The following YAF2 variants were observed in gnomAD, a reference collection of about 807,000 sequenced individuals.
The protein encoded by YAF2 is YY1 associated factor 2, also known as YY1-associated factor 2.
YAF2 carries 7 observed loss-of-function variants against 20.1 expected under a neutral mutation model. The observed-to-expected ratio is 0.35, with a 90% CI of 0.20 to 0.65. YAF2 has a LOEUF of 0.65. Ranked by LOEUF, YAF2 falls within the 30% of genes least tolerant of loss-of-function variation. YAF2 has a pLI of 0.69. For synonymous variants in YAF2, 74 were observed against 76.0 expected (o/e 0.97, Z 0.14); for missense variants, 151 against 219.2 (o/e 0.69, Z 1.96).
intron 2 of YAF2, among the ~76,000 whole-genome samples, chr12:42,224,253 T>C (rs1388871778): frequency 1.3e-5 from 2 of 152,210 alleles, no homozygotes; most frequent in African/African-American, 2.4e-5. Flanking sequence ...GCATAATTCA[T>C]TGCATATGTT....
chr12:42,186,959 A>G (rs1215396475), intron 2 of YAF2, among the ~76,000 whole-genome samples: 1 of 152,148 alleles, frequency 6.6e-6, no homozygotes, highest in East Asian at 1.9e-4. Context: ...TTAAATTAGC[A>G]TAGGAGGTAG....
chr12:42,199,398 G>T, intron 2 of YAF2: 2 of 266,032 alleles, frequency 7.5e-6, no homozygotes, highest in Non-Finnish European at 1.4e-5. Context: ...TGTTCACTAT[G>T]ATTTATTCAA....
chr12:42,237,535 G>T, intron 2 of YAF2, 64 bp downstream of exon 2: 1 of 1,432,944 alleles, frequency 7.0e-7, no homozygotes, highest in Non-Finnish European at 9.2e-7. Context: ...GGCGGCAGCC[G>T]CAAGGGCGTC....
intron 2 of YAF2, among the ~76,000 whole-genome samples, chr12:42,167,525 G>T (rs1010345658): frequency 6.6e-6 from 1 of 151,986 alleles, no homozygotes; most frequent in Non-Finnish European, 1.5e-5. Context: ...ACTTGAAAAA[G>T]GACTCAAAAA....
chr12:42,177,296 G>C (rs946209400), intron 2 of YAF2, among the ~76,000 whole-genome samples: 1 of 152,094 alleles, frequency 6.6e-6, no homozygotes, highest in Non-Finnish European at 1.5e-5. Flanking sequence ...CCATAGACTG[G>C]GTAGCTTAAA....
intron 2 of YAF2, among the ~76,000 whole-genome samples, chr12:42,189,829 G>C (rs2066568524): frequency 6.6e-6 from 1 of 152,062 alleles, no homozygotes; most frequent in Non-Finnish European, 1.5e-5. Context: ...TGTATCAGAA[G>C]AAAATTAGTC....
chr12:42,237,940 T>C (rs1268167771), intron 1 of YAF2: 3 of 436,294 alleles, frequency 6.9e-6, no homozygotes, highest in Non-Finnish European at 6.4e-6. Flanking sequence ...ACAGCCGCTC[T>C]GACACCCGGG....
At chr12:42,233,990 G>C in intron 2 of YAF2, 7 of 834,808 alleles carry the variant, frequency 8.4e-6, no homozygotes, top group Non-Finnish European at 1.0e-5. Flanking sequence ...GGCCAGCATA[G>C]TGAAACCCCA....
chr12:42,168,145 T>C (rs981598322), intron 2 of YAF2, among the ~76,000 whole-genome samples: 1 of 151,632 alleles, frequency 6.6e-6, no homozygotes, highest in African/African-American at 2.4e-5. Flanking sequence ...AACTTTCCCA[T>C]CACGTCTATC....
At chr12:42,209,515 G>A (rs1490230554) in intron 2 of YAF2, among the ~76,000 whole-genome samples, 1 of 123,656 alleles carries the variant, frequency 8.1e-6, no homozygotes, top group Non-Finnish European at 1.6e-5. Flanking sequence ...AGTAGGCCAA[G>A]ATCACACCAC....
intron 2 of YAF2, among the ~76,000 whole-genome samples, chr12:42,171,760 G>A (rs1185087685): frequency 6.6e-6 from 1 of 150,972 alleles, no homozygotes; most frequent in Admixed American, 6.6e-5. Context: ...TCAAGACCAG[G>A]CTGGGCAACA....
At chr12:42,204,382 A>G (rs1017718264) in intron 2 of YAF2, among the ~76,000 whole-genome samples, 1 of 152,078 alleles carries the variant, frequency 6.6e-6, no homozygotes, top group African/African-American at 2.4e-5. Flanking sequence ...ATGTGGGGGG[A>G]AAAGTTGTGC....
chr12:42,173,424 C>G (rs1010298614), intron 2 of YAF2, among the ~76,000 whole-genome samples: 3 of 152,142 alleles, frequency 2.0e-5, no homozygotes, highest in Non-Finnish European at 2.9e-5. Flanking sequence ...TCTATAAAAA[C>G]TAGGTTAAAG....
At chr12:42,182,910 T>A (rs1384836733) in intron 2 of YAF2, among the ~76,000 whole-genome samples, 1 of 152,198 alleles carries the variant, frequency 6.6e-6, no homozygotes, top group African/African-American at 2.4e-5. Flanking sequence ...TTATTGTGCA[T>A]TACTTTATTA....
rs2067116353 is a variant in YAF2 at position 42,208,512 on chromosome 12, A to C, written c.152+29087T>G. ...ACCTAAAGCTAATATTTAAGGGCTA[A>C]ACTGTATCATTCAGCTAACTATAAC... On this transcript the variant is annotated intron_variant, in intron 2 of 3. Transcript: ENST00000534854. Among the ~76,000 whole-genome samples the C allele has an allele frequency of 2.0e-5, 3 of 152,332 alleles. No individual in the cohort carries two copies. In the South Asian group the frequency reaches 6.2e-4, roughly 32 times the overall value.
rs937411349 is a variant in YAF2 at position 42,160,393 on chromosome 12, A to C, written c.*196T>G. ...ATGGCACTTAACTGCAGAGACCAAAATGTTAAGTCTGGAAATGTTTGGTAG... is the reference window on the plus strand; with the variant it reads ...ATGGCACTTAACTGCAGAGACCAAACTGTTAAGTCTGGAAATGTTTGGTAG... On this transcript the variant is annotated 3_prime_UTR_variant, in exon 4 of 4. Transcript: ENST00000534854. 7 of 557,780 alleles carry C rather than the reference A, an allele frequency of 1.3e-5. No homozygotes were observed. The African/African-American group carries it at 1.3e-4, about 11-fold the overall frequency. The allele number at this position is 557,780 out of a possible 1,614,324, so 34.6% of individuals were successfully genotyped here. A position where few individuals can be genotyped will look rare whatever the true frequency, so the allele number is the denominator to read the frequency against.
intron 2 of YAF2, among the ~76,000 whole-genome samples, chr12:42,230,665 A>G (rs2067959542): frequency 6.6e-6 from 1 of 152,248 alleles, no homozygotes; most frequent in African/African-American, 2.4e-5. Context: ...ATCCAGAGAA[A>G]GGACATGAAG....
At chr12:42,208,311 A>C (rs1592004887) in intron 2 of YAF2, among the ~76,000 whole-genome samples, 1 of 152,158 alleles carries the variant, frequency 6.6e-6, no homozygotes, top group East Asian at 1.9e-4. Context: ...TTGTAATCCC[A>C]GCTACTTGGG....
At chr12:42,205,525 C>A (rs1032516173) in intron 2 of YAF2, among the ~76,000 whole-genome samples, 3 of 152,120 alleles carry the variant, frequency 2.0e-5, no homozygotes, top group African/African-American at 7.2e-5. Flanking sequence ...CAAGTGCCTG[C>A]CATCATGCCT....
Sources: allele counts gnomAD v4.1 joint callset (sites outside exome capture counted in the v4.1 genomes callset), GRCh38; gene constraint gnomAD v4.1.1; transcripts MANE v1.5; gene names NCBI Gene and HGNC (gene_info 2026-07-23, HGNC 2026-07-21).